The following KANSL1 variants were observed in gnomAD, a reference collection of about 807,000 sequenced individuals.
KANSL1 encodes KAT8 regulatory NSL complex subunit 1.
KANSL1 carries 22 observed loss-of-function variants against 103.6 expected under a neutral mutation model. The ratio of observed to expected loss-of-function variants is 0.21; its 90% CI spans 0.15 to 0.30. KANSL1 has a LOEUF of 0.30. KANSL1 is among the 10% of genes least tolerant of loss of function. KANSL1 has a pLI of 1.00. For synonymous variants in KANSL1, 600 were observed against 527.6 expected, an observed-to-expected ratio of 1.14 and a Z score of -1.88; for missense variants, 1,337 against 1,399.8, an observed-to-expected ratio of 0.96 and a Z score of 0.72.
intron 3 of KANSL1, among the ~76,000 whole-genome samples, chr17:46,084,726 A>G (rs1266837418): frequency 6.9e-5 from 8 of 116,696 alleles, no homozygotes; most frequent in African/African-American, 2.2e-4. Flanking sequence ...AAAAAAAAAG[A>G]ATTGGAGTCT....
rs1015153321 is a variant in KANSL1, at chr17:46,050,826, A to G, written c.1849-122T>C. 7 of 749,778 alleles carry G rather than the reference A, an allele frequency of 9.3e-6. No homozygotes were observed. In the South Asian group the frequency reaches 1.2e-4, roughly 13 times the overall value. 46.4% of individuals were successfully genotyped at this position (749,778 alleles called of 1,614,324 possible). ...CATTTGTTATTGCGAAGACCTTTCT[A>G]GATACTTGTGTGACACTACTAAAAG... is the stretch of plus-strand genomic sequence containing the variant. On this transcript the variant is annotated intron_variant, in intron 6 of 14. Transcript: ENST00000432791.
At chr17:46,076,233 G>A (rs1296897422) in intron 4 of KANSL1, among the ~76,000 whole-genome samples, 4 of 152,026 alleles carry the variant, frequency 2.6e-5, no homozygotes, top group East Asian at 1.9e-4. Context: ...AGTGGCTCAC[G>A]CCTGTAATCC....
At chr17:46,117,377 C>T (rs2043089929) in intron 2 of KANSL1, among the ~76,000 whole-genome samples, 1 of 152,236 alleles carries the variant, frequency 6.6e-6, no homozygotes, top group East Asian at 1.9e-4. Context: ...ATGGACTCTC[C>T]TTCCAGTAAC....
chr17:46,055,930 T>C (rs2077909794), intron 6 of KANSL1, among the ~76,000 whole-genome samples: 1 of 152,236 alleles, frequency 6.6e-6, no homozygotes, highest in African/African-American at 2.4e-5. Context: ...CAAGAGGTCA[T>C]ACAGAAGAAA....
At chr17:46,119,173 T>C (rs1005681043) in intron 2 of KANSL1, among the ~76,000 whole-genome samples, 5 of 152,220 alleles carry the variant, frequency 3.3e-5, no homozygotes, top group African/African-American at 1.2e-4. Flanking sequence ...ATAACAACTC[T>C]ATGAAACGGT....
At chr17:46,073,043 G>A (rs960301006) in intron 4 of KANSL1, among the ~76,000 whole-genome samples, 1 of 152,078 alleles carries the variant, frequency 6.6e-6, no homozygotes, top group Non-Finnish European at 1.5e-5. Context: ...AATATTTCTT[G>A]GCCAATATCT....
chr17:46,204,662 A>G (rs2047906586), intron 1 of KANSL1, among the ~76,000 whole-genome samples: 1 of 152,278 alleles, frequency 6.6e-6, no homozygotes, highest in Non-Finnish European at 1.5e-5. Context: ...AGACAACTAC[A>G]GACCAATATA....
intron 2 of KANSL1, among the ~76,000 whole-genome samples, chr17:46,108,094 T>C (rs1437957762): frequency 6.6e-6 from 1 of 152,218 alleles, no homozygotes; most frequent in African/African-American, 2.4e-5. Context: ...AGCCTAATAT[T>C]GTATAAAAGG....
intron 2 of KANSL1, among the ~76,000 whole-genome samples, chr17:46,160,203 T>A (rs959811507): frequency 6.6e-6 from 1 of 152,216 alleles, no homozygotes; most frequent in East Asian, 1.9e-4. Flanking sequence ...GTGTGATCAA[T>A]AAATACTAAT....
At position 46,082,508 on chromosome 17, in the gene KANSL1, T is replaced by C. The variant is rs1361011921; in HGVS notation, c.1466A>G (p.Glu489Gly). Reference sequence around the variant, plus strand: ...TGGAAGAAATAAGTCTGTTGTATGCTCTGGGGGAGGTACCTCCCCAAGAAC... The same window carrying C: ...TGGAAGAAATAAGTCTGTTGTATGCCCTGGGGGAGGTACCTCCCCAAGAAC... ...LIVLGEVPPPEHTTDLFLPLS... is the reference protein window; with the variant it reads ...LIVLGEVPPPGHTTDLFLPLS... The change falls in exon 4 of 15, where the codon GAG (glutamate) becomes GGG (glycine). Residue 489 changes from glutamate (E) to glycine (G), a missense_variant. Transcript: ENST00000432791. 1.2e-6 allele frequency: 2 copies of C among 1,612,294 alleles called. No homozygotes were observed. Among genetic ancestry groups the C allele is most frequent in the Non-Finnish European group, 1.7e-6 (2 of 1,178,632 alleles).
At chr17:46,090,581 T>C (rs545036015) in intron 3 of KANSL1, among the ~76,000 whole-genome samples, 1 of 152,360 alleles carries the variant, frequency 6.6e-6, no homozygotes, top group African/African-American at 2.4e-5. Flanking sequence ...TCAAGGTTCA[T>C]GTAAGCAGCT....
chr17:46,032,565 T>G (rs2077040523), intron 13 of KANSL1: 2 of 412,398 alleles, frequency 4.8e-6, no homozygotes, highest in Non-Finnish European at 8.6e-6. Flanking sequence ...TTAGGGAGAT[T>G]CGTGTAGACT....
intron 1 of KANSL1, among the ~76,000 whole-genome samples, chr17:46,199,010 T>G (rs1346787784): frequency 6.6e-6 from 1 of 152,242 alleles, no homozygotes; most frequent in Non-Finnish European, 1.5e-5. Context: ...GAAACATCTT[T>G]AAGCTGAAAC....
At chr17:46,092,039 C>T (rs1306612294) in intron 3 of KANSL1, among the ~76,000 whole-genome samples, 12 of 152,154 alleles carry the variant, frequency 7.9e-5, no homozygotes, top group African/African-American at 2.9e-4. Flanking sequence ...AGGCTAGTCT[C>T]GAACTCCTCA....
chr17:46,153,735 A>T (rs1266722834), intron 2 of KANSL1, among the ~76,000 whole-genome samples: 1 of 152,244 alleles, frequency 6.6e-6, no homozygotes, highest in African/African-American at 2.4e-5. Flanking sequence ...TGAAGAAATG[A>T]GAAGCACCAA....
intron 7 of KANSL1, chr17:46,041,531 C>G (rs1405319301): frequency 1.3e-5 from 2 of 152,146 alleles, no homozygotes; most frequent in African/African-American, 4.8e-5. Context: ...GCCAGAGTCC[C>G]TATCCACTGC....
intron 6 of KANSL1, among the ~76,000 whole-genome samples, chr17:46,057,484 T>C (rs2077974688): frequency 6.6e-6 from 1 of 152,120 alleles, no homozygotes. Context: ...ATGATACAAG[T>C]AGAATATCAC....
intron 10 of KANSL1, among the ~76,000 whole-genome samples, chr17:46,036,869 G>A (rs559416807): frequency 2.6e-5 from 4 of 152,138 alleles, no homozygotes; most frequent in African/African-American, 9.6e-5. Context: ...ATGCCACCAC[G>A]CCCAGTTAAT....
At chr17:46,036,181 C>T (rs1489099244) in intron 10 of KANSL1, among the ~76,000 whole-genome samples, 1 of 152,186 alleles carries the variant, frequency 6.6e-6, no homozygotes. Context: ...GCTGGAGCTA[C>T]AGGCATGCAA....
Sources: allele counts gnomAD v4.1 joint callset (sites outside exome capture counted in the v4.1 genomes callset), GRCh38; gene constraint gnomAD v4.1.1; transcripts MANE v1.5; gene names NCBI Gene and HGNC (gene_info 2026-07-23, HGNC 2026-07-21).